The following CCDC171 variants were observed in gnomAD, a reference collection of about 807,000 sequenced individuals.
CCDC171 encodes coiled-coil domain-containing protein 171.
A neutral mutation model predicts 168.2 loss-of-function variants in CCDC171; 177 were observed. The ratio of observed to expected loss-of-function variants is 1.05; its 90% CI spans 0.93 to 1.19. CCDC171 has a LOEUF of 1.19. Among genes scored for constraint, CCDC171 ranks in the 50% most tolerant of loss-of-function variants. The pLI is 0.00. For synonymous variants in CCDC171, 687 were observed against 540.8 expected, an observed-to-expected ratio of 1.27 and a Z score of -3.75; for missense variants, 1,991 against 1,539.0, an observed-to-expected ratio of 1.29 and a Z score of -4.91.
chr9:15,777,762 A>G lies in CCDC171; in HGVS notation c.2834A>G (p.His945Arg), dbSNP rs148231324. 3.7e-6 allele frequency: 6 copies of G among 1,613,952 alleles called. No individual in the cohort carries two copies. In the African/African-American group the frequency reaches 6.7e-5, roughly 18 times the overall value. ...EKDSLVQRLA[H>R]GLHKVNTLAL... ...GATTCCCTGGTTCAGAGGCTGGCCC[A>G]TGGACTTCATAAAGTAAACACACTG... The change falls in exon 19 of 26, where the codon CAT (histidine) becomes CGT (arginine). Residue 945 changes from histidine (H) to arginine (R), a missense_variant. By Grantham distance (29) the His-to-Arg change is conservative (BLOSUM62 0). Transcript: ENST00000380701.
chr9:15,637,829 A>T (rs1257399591), intron 7 of CCDC171, among the ~76,000 whole-genome samples: 1 of 151,962 alleles, frequency 6.6e-6, no homozygotes, highest in Non-Finnish European at 1.5e-5. Flanking sequence ...ATAGTATTCC[A>T]TGGTGTATAT....
rs751015957 is a variant in CCDC171 at position 15,778,956 on chromosome 9, G to A, written c.2899-12G>A. 2 of 1,462,620 alleles carry A rather than the reference G, an allele frequency of 1.4e-6. No homozygotes were observed. Among genetic ancestry groups the A allele is most frequent in the African/African-American group, 2.9e-5 (2 of 69,498 alleles). The allele number at this position is 1,462,620 out of a possible 1,614,324, so 90.6% of individuals were successfully genotyped here. ...AGTTACTGTTTATAAAATTGCTCTTGTTTAACAACAGAAAAGCACAGCATC... is the reference window on the plus strand; with the variant it reads ...AGTTACTGTTTATAAAATTGCTCTTATTTAACAACAGAAAAGCACAGCATC... On this transcript the variant is annotated splice_polypyrimidine_tract_variant and intron_variant, in intron 19 of 25. Coordinates refer to ENST00000380701, the MANE Select transcript of CCDC171 (RefSeq NM_173550.4).
chr9:15,904,860 G>A (rs1190396981), intron 24 of CCDC171, among the ~76,000 whole-genome samples: 1 of 151,646 alleles, frequency 6.6e-6, no homozygotes, highest in Non-Finnish European at 1.5e-5. Flanking sequence ...AAAAAAGGCA[G>A]GGGTTGCAAT....
At chr9:15,583,121 G>T (rs1196171948) in intron 4 of CCDC171, among the ~76,000 whole-genome samples, 1 of 151,984 alleles carries the variant, frequency 6.6e-6, no homozygotes, top group Non-Finnish European at 1.5e-5. Flanking sequence ...AGTGGATAAA[G>T]AAAATGTGGT....
intron 7 of CCDC171, among the ~76,000 whole-genome samples, chr9:15,636,879 G>T (rs1564106585): frequency 6.6e-6 from 1 of 151,118 alleles, no homozygotes; most frequent in African/African-American, 2.4e-5. Flanking sequence ...TTTATTAATT[G>T]TGTTATAGTT....
At chr9:15,842,230 A>G (rs2060709507) in intron 21 of CCDC171, among the ~76,000 whole-genome samples, 1 of 152,038 alleles carries the variant, frequency 6.6e-6, no homozygotes, top group Non-Finnish European at 1.5e-5. Flanking sequence ...ATTAGACAAA[A>G]GAAAATCTAT....
intron 6 of CCDC171, 107 bp downstream of exon 6, chr9:15,594,279 G>C: frequency 1.5e-6 from 1 of 669,906 alleles, no homozygotes. Flanking sequence ...ATAATTTCTA[G>C]TTTTGATTCT....
intron 21 of CCDC171, among the ~76,000 whole-genome samples, chr9:15,824,965 A>G (rs2059951929): frequency 6.6e-6 from 1 of 152,052 alleles, no homozygotes; most frequent in South Asian, 2.1e-4. Context: ...ATGGTGATGC[A>G]TTTATTTTAC....
intron 21 of CCDC171, among the ~76,000 whole-genome samples, chr9:15,823,352 G>A (rs1449715560): frequency 1.3e-5 from 2 of 151,718 alleles, no homozygotes; most frequent in Admixed American, 6.6e-5. Flanking sequence ...AAAAGAAAAG[G>A]TATATTGTCT....
chr9:15,710,230 A>T (rs1005177885), intron 11 of CCDC171, among the ~76,000 whole-genome samples: 5 of 152,180 alleles, frequency 3.3e-5, no homozygotes, highest in African/African-American at 1.2e-4. Flanking sequence ...TTAAATTAGT[A>T]TGCAGAGAAG....
Position 15,640,335 on chromosome 9 carries a change from T to C in CCDC171, c.823-16792T>C, listed in dbSNP as rs34981501. Among the ~76,000 whole-genome samples the C allele has an allele frequency of 5.6e-3, 856 of 152,198 alleles. 5 individuals carry two copies. Among genetic ancestry groups the C allele is most frequent in the Non-Finnish European group, 8.7e-3 (588 of 67,954 alleles). ...GTCACAAAGCAGCATTAATTTTGTC[T>C]CTGAGTTGTTTTTCTAATGTACTGT... is the stretch of plus-strand genomic sequence containing the variant. On this transcript the variant is annotated intron_variant, in intron 7 of 25. Coordinates refer to ENST00000380701, the MANE Select transcript of CCDC171 (RefSeq NM_173550.4).
intron 21 of CCDC171, among the ~76,000 whole-genome samples, chr9:15,833,541 G>A (rs1226897508): frequency 6.6e-6 from 1 of 152,070 alleles, no homozygotes; most frequent in Non-Finnish European, 1.5e-5. Flanking sequence ...AGTTGAATTG[G>A]TAATATGCCA....
intron 25 of CCDC171, among the ~76,000 whole-genome samples, chr9:15,927,915 G>T (rs1304794508): frequency 6.6e-6 from 1 of 151,682 alleles, no homozygotes; most frequent in Non-Finnish European, 1.5e-5. Flanking sequence ...CCTTATCTTA[G>T]TTGATTATTG....
intron 3 of CCDC171, among the ~76,000 whole-genome samples, chr9:15,990,342 G>C (rs1463379294): frequency 1.3e-5 from 2 of 152,114 alleles, no homozygotes; most frequent in African/African-American, 4.8e-5. Context: ...ATAAGCGAAG[G>C]AGAAATAAAA....
At chr9:16,023,411 G>A (rs948344441) in intron 6 of CCDC171, among the ~76,000 whole-genome samples, 1 of 151,958 alleles carries the variant, frequency 6.6e-6, no homozygotes, top group Non-Finnish European at 1.5e-5. Context: ...TTTGAATTTG[G>A]CCATGAGTCA....
At chr9:15,690,380 T>C (rs1022027660) in intron 10 of CCDC171, among the ~76,000 whole-genome samples, 1 of 152,184 alleles carries the variant, frequency 6.6e-6, no homozygotes, top group African/African-American at 2.4e-5. Context: ...AAAATGGCTA[T>C]CAGTATGTAT....
chr9:15,814,037 T>C (rs2059463202), intron 21 of CCDC171, among the ~76,000 whole-genome samples: 1 of 152,230 alleles, frequency 6.6e-6, no homozygotes, highest in Admixed American at 6.5e-5. Flanking sequence ...CCTTGACACT[T>C]GTGTGGTTCC....
chr9:16,048,108 G>C (rs144243936), intron 1 of CCDC171, among the ~76,000 whole-genome samples: 1 of 152,352 alleles, frequency 6.6e-6, no homozygotes, highest in African/African-American at 2.4e-5. Flanking sequence ...AGCACCAAGT[G>C]ACTTGTCAAG....
rs139952334 is a variant in CCDC171, at chr9:15,721,808, T to C, written c.1358T>C (p.Val453Ala). The change falls in exon 12 of 26, where the codon GTT becomes GCT. Residue 453 changes from valine to alanine, a missense_variant. Coordinates refer to ENST00000380701, the MANE Select transcript of CCDC171 (RefSeq NM_173550.4). ...AAAGATAAACCTCCCAGCTTCTCTG[T>C]TGTCCTTGAGAGATTGAGGCGTACC... ...KDKDKPPSFS[V>A]VLERLRRTLT... 3.8e-6 allele frequency: 6 copies of C among 1,564,462 alleles called. No individual in the cohort carries two copies. The African/African-American group carries it at 6.9e-5, about 18-fold the overall frequency.
Sources: allele counts gnomAD v4.1 joint callset (sites outside exome capture counted in the v4.1 genomes callset), GRCh38; gene constraint gnomAD v4.1.1; transcripts MANE v1.5; gene names NCBI Gene and HGNC (gene_info 2026-07-23, HGNC 2026-07-21).